Variants in TRAPPC9 observed in about 807,000 individuals in gnomAD.
TRAPPC9 encodes trafficking protein particle complex subunit 9.
In TRAPPC9, 83 loss-of-function variants were observed where a neutral mutation model predicts 124.0. The observed-to-expected ratio is 0.67, with a 90% CI of 0.56 to 0.80. The LOEUF (loss-of-function observed/expected upper bound fraction) is 0.80. Among genes scored for constraint, TRAPPC9 ranks in the 30% least tolerant of loss-of-function variants. The probability of loss-of-function intolerance (pLI) is 0.00; values close to 1 mark genes in which losing one functional copy is unlikely to be tolerated. For synonymous variants in TRAPPC9, 638 were observed against 617.5 expected, an observed-to-expected ratio of 1.03 and a Z score of -0.49; for missense variants, 1,302 against 1,508.3, an observed-to-expected ratio of 0.86 and a Z score of 2.27.
chr8:139,920,581 C>A (rs1832445641), intron 19 of TRAPPC9, among the ~76,000 whole-genome samples: 1 of 152,224 alleles, frequency 6.6e-6, no homozygotes, highest in South Asian at 2.1e-4. Context: ...ACAGCTGGGG[C>A]TCCAACAGGG....
intron 9 of TRAPPC9, among the ~76,000 whole-genome samples, chr8:140,332,354 G>A (rs953830674): frequency 6.6e-6 from 1 of 152,206 alleles, no homozygotes; most frequent in African/African-American, 2.4e-5. Flanking sequence ...TTGGTCAACA[G>A]AGACAAAATT....
At chr8:140,154,520 CTG>C (rs2061598036) in intron 17 of TRAPPC9, among the ~76,000 whole-genome samples, 1 of 152,222 alleles carries the variant, frequency 6.6e-6, no homozygotes, top group Admixed American at 6.5e-5. Context: ...GCCTCTAAAA[CTG>C]TGTGTTCAAT....
At chr8:140,210,312 C>T (rs1045751002) in intron 17 of TRAPPC9, among the ~76,000 whole-genome samples, 5 of 152,230 alleles carry the variant, frequency 3.3e-5, no homozygotes, top group South Asian at 2.1e-4. Context: ...GAGGGACCCC[C>T]GCCTCACAGG....
chr8:139,886,839 G>T (rs776422181), intron 20 of TRAPPC9, among the ~76,000 whole-genome samples: 52 of 152,202 alleles, frequency 3.4e-4, no homozygotes, highest in Non-Finnish European at 6.0e-4. Flanking sequence ...TTCTGGTGAA[G>T]GCAGCAACGT....
chr8:139,823,626 C>T (rs946567527), intron 21 of TRAPPC9, among the ~76,000 whole-genome samples: 7 of 152,120 alleles, frequency 4.6e-5, no homozygotes, highest in African/African-American at 7.2e-5. Flanking sequence ...GAGGGATGCA[C>T]GGGGGTCTCT....
At chr8:139,921,833 G>A (rs1192889377) in intron 19 of TRAPPC9, among the ~76,000 whole-genome samples, 2 of 150,746 alleles carry the variant, frequency 1.3e-5, no homozygotes, top group Non-Finnish European at 3.0e-5. Flanking sequence ...CCGCATCCGA[G>A]AGCGCACACA....
At chr8:139,841,576 C>A (rs1201595010) in intron 21 of TRAPPC9, among the ~76,000 whole-genome samples, 6 of 152,250 alleles carry the variant, frequency 3.9e-5, no homozygotes, top group African/African-American at 1.4e-4. Context: ...CAATCCATCC[C>A]AGGGCAAGGC....
At chr8:140,028,090 C>CA (rs1052751314) in intron 17 of TRAPPC9, among the ~76,000 whole-genome samples, 3 of 151,652 alleles carry the variant, frequency 2.0e-5, no homozygotes, top group East Asian at 1.9e-4. Flanking sequence ...CCAGAAATAA[C>CA]AAAAAAAGGC....
At chr8:140,330,263 A>G (rs528041279) in intron 9 of TRAPPC9, among the ~76,000 whole-genome samples, 1 of 152,260 alleles carries the variant, frequency 6.6e-6, no homozygotes, top group African/African-American at 2.4e-5. Flanking sequence ...CATTCTGCAT[A>G]TACATCCAGG....
chr8:139,840,251 G>A (rs980738166), intron 21 of TRAPPC9, among the ~76,000 whole-genome samples: 6 of 152,204 alleles, frequency 3.9e-5, no homozygotes, highest in African/African-American at 1.2e-4. Context: ...GGCTTGCAAT[G>A]GCCACTCCTC....
At chr8:140,441,082 G>T (rs561004481) in intron 2 of TRAPPC9, among the ~76,000 whole-genome samples, 88 of 148,210 alleles carry the variant, frequency 5.9e-4, no homozygotes, top group African/African-American at 2.1e-3. Context: ...GGGCTCAAGA[G>T]ATCCTCCCAC....
intron 15 of TRAPPC9, among the ~76,000 whole-genome samples, chr8:140,272,474 ATGG>A (rs1255729721): frequency 4.6e-5 from 7 of 150,838 alleles, no homozygotes; most frequent in African/African-American, 1.2e-4. Context: ...AGTGATGGTG[ATGG>A]TGGTGGTGGC....
intron 17 of TRAPPC9, among the ~76,000 whole-genome samples, chr8:140,197,304 A>G (rs2062693146): frequency 6.6e-6 from 1 of 152,246 alleles, no homozygotes; most frequent in Admixed American, 6.5e-5. Flanking sequence ...CGATGTTAAC[A>G]TAAGAGCACT....
intron 6 of TRAPPC9, among the ~76,000 whole-genome samples, chr8:140,404,142 C>T (rs983738997): frequency 5.3e-5 from 8 of 152,112 alleles, no homozygotes; most frequent in Non-Finnish European, 8.8e-5. Flanking sequence ...AATTCTACAT[C>T]TTTTCACTCT....
intron 17 of TRAPPC9, among the ~76,000 whole-genome samples, chr8:140,085,774 C>T (rs77965270): frequency 6.6e-6 from 1 of 152,194 alleles, no homozygotes; most frequent in Non-Finnish European, 1.5e-5. Context: ...TGTGGGTAAT[C>T]GTGTCCCGAT....
At chr8:139,812,928 G>A (rs893427720) in intron 21 of TRAPPC9, among the ~76,000 whole-genome samples, 7 of 152,194 alleles carry the variant, frequency 4.6e-5, no homozygotes, top group African/African-American at 1.7e-4. Context: ...GGGCCAGAAC[G>A]GTGCTTTGCA....
chr8:140,345,290 G>T (rs923809243), intron 9 of TRAPPC9, among the ~76,000 whole-genome samples: 4 of 152,234 alleles, frequency 2.6e-5, no homozygotes, highest in African/African-American at 9.6e-5. Flanking sequence ...CAGGTACTGA[G>T]TGAGGAGAAG....
At chr8:139,810,284 G>C (rs979927065) in intron 21 of TRAPPC9, among the ~76,000 whole-genome samples, 14 of 152,214 alleles carry the variant, frequency 9.2e-5, no homozygotes, top group African/African-American at 3.4e-4. Flanking sequence ...CACTGCTGGA[G>C]GTGGGGAGGT....
At chr8:139,828,835 T>C (rs1825797522) in intron 21 of TRAPPC9, among the ~76,000 whole-genome samples, 1 of 152,118 alleles carries the variant, frequency 6.6e-6, no homozygotes, top group African/African-American at 2.4e-5. Flanking sequence ...ATGAAACCAA[T>C]GAATAAGAGA....
Sources: gnomAD v4.1 joint callset for allele counts (sites outside exome capture counted in the v4.1 genomes callset) on GRCh38, gnomAD v4.1.1 for gene constraint, MANE v1.5 for transcripts, NCBI Gene and HGNC (gene_info 2026-07-23, HGNC 2026-07-21) for gene names.